Variants in JMJD1C observed in about 807,000 individuals in gnomAD.
JMJD1C encodes jumonji domain containing 1C, also known as jumonji domain-containing protein 1C.
Under a neutral mutation model 245.3 loss-of-function variants are expected in JMJD1C, and 31 were observed. The observed-to-expected ratio is 0.13, with a 90% CI of 0.09 to 0.17. The LOEUF is 0.17. Ranked by LOEUF, JMJD1C falls within the 10% of genes least tolerant of loss-of-function variation. The pLI, the probability that JMJD1C is intolerant of heterozygous loss-of-function variation, is 1.00. For missense variants in JMJD1C, 2,691 were observed against 3,000.2 expected, an observed-to-expected ratio of 0.90 and a Z score of 2.41; for synonymous variants, 1,057 against 1,017.4, an observed-to-expected ratio of 1.04 and a Z score of -0.74.
Position 63,492,608 on chromosome 10 carries a change from A to G in JMJD1C, n.113+29130T>C, listed in dbSNP as rs889067040. Among the ~76,000 whole-genome samples, 18 of 152,302 alleles carry G rather than the reference A, an allele frequency of 1.2e-4. No individual in the cohort carries two copies. The Middle Eastern group carries it at 0.01, about 86-fold the overall frequency. ...AGAACCACCTGAACCCAGGAGACAG[A>G]GGTGGCAGTAAGCCAAGATTGCGAA... On this transcript the variant is annotated intron_variant and non_coding_transcript_variant, in intron 1 of 3. Transcript: ENST00000633035.
At chr10:63,307,465 T>C (rs1457282345) in intron 2 of JMJD1C, among the ~76,000 whole-genome samples, 1 of 152,100 alleles carries the variant, frequency 6.6e-6, no homozygotes, top group Non-Finnish European at 1.5e-5. Flanking sequence ...TCAGGAGAAA[T>C]CTTTAAGAAA....
At chr10:63,203,853 A>G (rs1367907351) in intron 10 of JMJD1C, 1 of 981,830 alleles carries the variant, frequency 1.0e-6, no homozygotes, top group Non-Finnish European at 1.2e-6. Flanking sequence ...GTGTAAGCCT[A>G]ACTCATTCTT....
chr10:63,335,337 CAA>C (rs1287053796), intron 2 of JMJD1C, among the ~76,000 whole-genome samples: 1 of 151,690 alleles, frequency 6.6e-6, no homozygotes, highest in East Asian at 1.9e-4. Flanking sequence ...CAAAGCAATG[CAA>C]AAAAAGACCT....
At chr10:63,450,424 G>T (rs1951978489) in intron 1 of JMJD1C, among the ~76,000 whole-genome samples, 1 of 151,886 alleles carries the variant, frequency 6.6e-6, no homozygotes, top group Non-Finnish European at 1.5e-5. Context: ...TAGGACTACT[G>T]CCTGGGTAAA....
intron 1 of JMJD1C, among the ~76,000 whole-genome samples, chr10:63,404,701 G>A (rs1451847169): frequency 6.6e-6 from 1 of 152,164 alleles, no homozygotes; most frequent in Non-Finnish European, 1.5e-5. Context: ...AGGTTACTGA[G>A]TAGCAGAGAT....
In JMJD1C at chr10:63,207,554, A is replaced by G; in HGVS notation, c.4115T>C (p.Phe1372Ser). ...AACACTGCCCTGTGAGACAGCCTGA[A>G]AGTTTTTTTCAGATTTTGTGTGAAC... The part of the protein sequence containing the change: ...DSVHTKSEKN[F>S]QAVSQGSVPS... Residue 1372 changes from phenylalanine (F) to serine (S), a missense_variant, in exon 10 of 26, where the codon TTT becomes TCT. Transcript: ENST00000399262. The G allele has an allele frequency of 6.2e-7, 1 of 1,614,158 alleles. No individual in the cohort carries two copies. The highest frequency in any genetic ancestry group is 2.2e-5 in the East Asian group (1 of 44,884).
intron 17 of JMJD1C, among the ~76,000 whole-genome samples, chr10:63,190,137 G>A (rs1844603422): frequency 1.3e-5 from 2 of 151,906 alleles, no homozygotes; most frequent in African/African-American, 4.8e-5. Context: ...CTGACCTCAG[G>A]TGGTCTGCCC....
chr10:63,463,532 T>C (rs1952948840), intron 1 of JMJD1C, among the ~76,000 whole-genome samples: 2 of 152,204 alleles, frequency 1.3e-5, no homozygotes, highest in South Asian at 4.1e-4. Context: ...TACATTATGT[T>C]AATGCTAAAC....
intron 22 of JMJD1C, among the ~76,000 whole-genome samples, chr10:63,180,655 T>C (rs1396564797): frequency 6.6e-6 from 1 of 152,018 alleles, no homozygotes; most frequent in Non-Finnish European, 1.5e-5. Flanking sequence ...CAGGATGGAG[T>C]AGAGTGGCAC....
intron 3 of JMJD1C, among the ~76,000 whole-genome samples, chr10:63,253,146 A>G (rs1209053246): frequency 1.3e-5 from 2 of 152,200 alleles, no homozygotes; most frequent in African/African-American, 4.8e-5. Context: ...CAGCGGTAGA[A>G]AAGTGGGGGG....
chr10:63,468,720 C>T (rs1023487573), upstream of JMJD1C, among the ~76,000 whole-genome samples: 3 of 152,202 alleles, frequency 2.0e-5, no homozygotes, highest in Non-Finnish European at 4.4e-5. Context: ...ATGCACACAT[C>T]AATTCAAGCA....
At chr10:63,406,627 T>C (rs1283086945) in intron 1 of JMJD1C, among the ~76,000 whole-genome samples, 1 of 151,944 alleles carries the variant, frequency 6.6e-6, no homozygotes, top group Non-Finnish European at 1.5e-5. Context: ...AATCCAACAC[T>C]AGATTTTTTT....
rs1271342031 is a variant in JMJD1C, at chr10:63,214,587, C to G, written c.1580G>C (p.Ser527Thr). 2.5e-6 allele frequency: 4 copies of G among 1,614,074 alleles called. No homozygotes were observed. Among genetic ancestry groups the G allele is most frequent in the Non-Finnish European group, 3.4e-6 (4 of 1,179,978 alleles). The change falls in exon 8 of 26, where the codon AGT (serine) becomes ACT (threonine). Residue 527 changes from serine to threonine, a missense_variant. This residue lies in a region of JMJD1C where 1,562 missense variants were observed against 1,490.7 expected (regional missense o/e 1.05). Coordinates refer to ENST00000399262, the MANE Select transcript of JMJD1C (RefSeq NM_032776.3). ...CTGAAGTGTCTGAAGGCCAAAGGTA[C>G]TTGAGTTTTCCTGAGCCACCTTTTC... ...NLEKVAQENS[S>T]TFGLQTLQKM...
chr10:63,520,268 T>A (rs933563723), intron 1 of JMJD1C, among the ~76,000 whole-genome samples: 2 of 152,138 alleles, frequency 1.3e-5, no homozygotes, highest in Non-Finnish European at 2.9e-5. Flanking sequence ...AGAGACAGAC[T>A]ACAGTATTAT....
rs148085036 is a variant in JMJD1C, at chr10:63,359,598, C to T, written c.333+20720G>A. Among the ~76,000 whole-genome samples the T allele has an allele frequency of 2.1e-3, 323 of 152,166 alleles. 3 individuals are homozygous for T. The South Asian group carries it at 0.029, about 14-fold the overall frequency. ...AATTTTAATGAATACTTTTCATTAC[C>T]CATGATAGGAATTTTGTGGTCTCAG... On this transcript the variant is annotated intron_variant, in intron 2 of 25. Coordinates refer to ENST00000399262, the MANE Select transcript of JMJD1C (RefSeq NM_032776.3).
intron 3 of JMJD1C, among the ~76,000 whole-genome samples, chr10:63,243,162 A>C (rs962323797): frequency 7.1e-5 from 10 of 141,836 alleles, no homozygotes; most frequent in African/African-American, 2.6e-4. Context: ...TTTCAACAAA[A>C]TCTCAATAGA....
intron 1 of JMJD1C, among the ~76,000 whole-genome samples, chr10:63,511,926 C>G (rs1005875428): frequency 2.6e-5 from 4 of 152,106 alleles, no homozygotes; most frequent in Admixed American, 2.6e-4. Flanking sequence ...TCCCCTTCTT[C>G]TTTTTCAATT....
At chr10:63,253,051 C>T (rs1468372102) in intron 3 of JMJD1C, among the ~76,000 whole-genome samples, 1 of 152,176 alleles carries the variant, frequency 6.6e-6, no homozygotes, top group Non-Finnish European at 1.5e-5. Flanking sequence ...AGACATTGAT[C>T]TGGTATTTCA....
intron 1 of JMJD1C, among the ~76,000 whole-genome samples, chr10:63,401,125 C>T (rs1948825847): frequency 6.6e-6 from 1 of 152,184 alleles, no homozygotes; most frequent in South Asian, 2.1e-4. Flanking sequence ...TCCCAAAGTG[C>T]TGGGACTACA....
Sources: allele counts gnomAD v4.1 joint callset (sites outside exome capture counted in the v4.1 genomes callset), GRCh38; gene constraint gnomAD v4.1.1; regional missense constraint gnomAD v4.1.1; transcripts MANE v1.5; gene names NCBI Gene and HGNC (gene_info 2026-07-23, HGNC 2026-07-21).